Variants in MEIS2 observed in about 807,000 individuals in gnomAD.
MEIS2 encodes the protein Meis homeobox 2.
MEIS2 carries 9 observed loss-of-function variants against 58.6 expected under a neutral mutation model. That is an observed-to-expected ratio of 0.15 (90% CI 0.09 to 0.27). The LOEUF (loss-of-function observed/expected upper bound fraction) is 0.27, where lower values mean the gene tolerates loss of function less well. Ranked by LOEUF, MEIS2 falls within the 10% of genes least tolerant of loss-of-function variation. The probability of loss-of-function intolerance (pLI) is 1.00; values close to 1 mark genes in which losing one functional copy is unlikely to be tolerated. For missense variants in MEIS2, 427 were observed against 635.0 expected (o/e 0.67, Z 3.52); for synonymous variants, 221 against 228.4 (o/e 0.97, Z 0.29).
At chr15:37,037,192 A>T (rs1450720183) in intron 7 of MEIS2, among the ~76,000 whole-genome samples, 1 of 152,216 alleles carries the variant, frequency 6.6e-6, no homozygotes, top group Admixed American at 6.5e-5. Context: ...ATTCAATTAT[A>T]ACTGTGCACT....
intron 6 of MEIS2, among the ~76,000 whole-genome samples, chr15:37,087,599 TAA>T (rs61534915): frequency 4.7e-5 from 7 of 149,224 alleles, no homozygotes; most frequent in African/African-American, 1.7e-4. Context: ...CCTTGAAAGT[TAA>T]AAAAAAAAAT....
chr15:37,015,671 G>C (rs1373734745), intron 8 of MEIS2, among the ~76,000 whole-genome samples: 2 of 152,074 alleles, frequency 1.3e-5, no homozygotes. Flanking sequence ...TCTAGGAAAG[G>C]AGGAGCAATG....
intron 7 of MEIS2, among the ~76,000 whole-genome samples, chr15:37,041,405 T>C (rs2062418084): frequency 6.6e-6 from 1 of 152,208 alleles, no homozygotes; most frequent in African/African-American, 2.4e-5. Flanking sequence ...CCCTGGGTCC[T>C]CCTTCTGTCT....
intron 8 of MEIS2, among the ~76,000 whole-genome samples, chr15:37,014,364 C>G (rs2061269774): frequency 6.6e-6 from 1 of 152,140 alleles, no homozygotes; most frequent in African/African-American, 2.4e-5. Context: ...AAGAGAATGA[C>G]TGTGTGGGGA....
intron 8 of MEIS2, among the ~76,000 whole-genome samples, chr15:36,994,333 A>G (rs1163433571): frequency 6.6e-6 from 1 of 152,186 alleles, no homozygotes. Flanking sequence ...TAATTTCAAA[A>G]GCCTAGTTCT....
chr15:37,070,159 A>C (rs1055517331), intron 7 of MEIS2, among the ~76,000 whole-genome samples: 3 of 152,188 alleles, frequency 2.0e-5, no homozygotes, highest in African/African-American at 7.2e-5. Context: ...TTGTTTGATT[A>C]ATACAATGAA....
chr15:36,909,225 C>T (rs1360812987), intron 9 of MEIS2, among the ~76,000 whole-genome samples: 1 of 152,008 alleles, frequency 6.6e-6, no homozygotes, highest in Non-Finnish European at 1.5e-5. Context: ...AGAAGCACTT[C>T]CTCAGTGGCA....
chr15:36,900,956 GAGGCATTCCTTTTGTTAGAAAGTGC>G (rs923427028), intron 9 of MEIS2: 6 of 152,102 alleles, frequency 3.9e-5, no homozygotes, highest in African/African-American at 1.4e-4. Flanking sequence ...ACTCCTTTTG[GAGGCATTCCTTTTGTTAGAAAGTGC>G]AGGCCTCCAT....
chr15:37,008,783 C>A (rs1167259625), intron 8 of MEIS2, among the ~76,000 whole-genome samples: 1 of 152,168 alleles, frequency 6.6e-6, no homozygotes, highest in Non-Finnish European at 1.5e-5. Context: ...TGAAGCATCA[C>A]ATAAGTGCCA....
chr15:37,020,699 A>G (rs2061496801), intron 8 of MEIS2, among the ~76,000 whole-genome samples: 1 of 146,998 alleles, frequency 6.8e-6, no homozygotes, highest in Non-Finnish European at 1.5e-5. Context: ...TAATCTCACC[A>G]CAACCTAAAT....
intron 8 of MEIS2, among the ~76,000 whole-genome samples, chr15:37,009,966 C>T (rs1165974043): frequency 1.3e-5 from 2 of 152,140 alleles, no homozygotes; most frequent in African/African-American, 2.4e-5. Context: ...TGAATAAGAA[C>T]ATTGAATTAA....
chr15:36,990,234 C>G (rs1297322280), intron 8 of MEIS2, among the ~76,000 whole-genome samples: 1 of 151,946 alleles, frequency 6.6e-6, no homozygotes, highest in South Asian at 2.1e-4. Context: ...CATGAGCCAC[C>G]GCGCCCGGCC....
intron 7 of MEIS2, among the ~76,000 whole-genome samples, chr15:37,039,691 C>T (rs1323226618): frequency 6.6e-6 from 1 of 152,086 alleles, no homozygotes; most frequent in Non-Finnish European, 1.5e-5. Flanking sequence ...AGGAGCATCA[C>T]ATAAATTTTA....
At chr15:36,998,601 T>C (rs1184037476) in intron 8 of MEIS2, among the ~76,000 whole-genome samples, 1 of 152,196 alleles carries the variant, frequency 6.6e-6, no homozygotes, top group Non-Finnish European at 1.5e-5. Flanking sequence ...TCCTGTCTTA[T>C]ATTTGTATAA....
chr15:37,094,161 A>T (rs532026540), intron 5 of MEIS2: 75 of 285,274 alleles, frequency 2.6e-4, no homozygotes, highest in African/African-American at 1.6e-3. Context: ...ATGTAAAGAC[A>T]CCCAGCAAGG....
chr15:36,958,321 T>C (rs777753225), intron 8 of MEIS2, among the ~76,000 whole-genome samples: 28 of 152,132 alleles, frequency 1.8e-4, no homozygotes, highest in Admixed American at 7.2e-4. Context: ...AGAACAGTTA[T>C]TAAATTTATT....
At chr15:36,928,888 C>G (rs1290955606) in intron 9 of MEIS2, among the ~76,000 whole-genome samples, 1 of 151,854 alleles carries the variant, frequency 6.6e-6, no homozygotes, top group African/African-American at 2.4e-5. Flanking sequence ...CTCATACGCT[C>G]TTGGAAAATG....
At position 36,890,407 on chromosome 15, in the gene MEIS2, TAA is replaced by T. The variant is rs2055801511; in HGVS notation, c.*1764_*1765del. The T allele has an allele frequency of 6.6e-6, 1 of 152,162 alleles. No homozygotes were observed. Among genetic ancestry groups the T allele is most frequent in the Non-Finnish European group, 1.5e-5 (1 of 68,000 alleles). 9.4% of individuals were successfully genotyped at this position (152,162 alleles called of 1,614,324 possible). A position where few individuals can be genotyped will look rare whatever the true frequency, so the allele number is the denominator to read the frequency against. The stretch of plus-strand genomic sequence containing the variant: ...TTTGTTTTGTTTTCAGAAAAAAGTT[TAA>T]GTTTAGTTATCAAATCATCACACTA... On this transcript the variant is annotated 3_prime_UTR_variant, in exon 12 of 12. Transcript: ENST00000561208.
At chr15:37,094,725 A>G (rs991766854) in intron 4 of MEIS2, 148 bp from the exon 5 acceptor site, 1 of 622,688 alleles carries the variant, frequency 1.6e-6, no homozygotes, top group African/African-American at 1.9e-5. Context: ...AACATCAAGA[A>G]ATAGTCAGAA....
Sources: allele counts gnomAD v4.1 joint callset (sites outside exome capture counted in the v4.1 genomes callset), GRCh38; gene constraint gnomAD v4.1.1; transcripts MANE v1.5; gene names NCBI Gene and HGNC (gene_info 2026-07-23, HGNC 2026-07-21).